Variants in KCNQ1 observed in about 807,000 individuals in gnomAD.
KCNQ1 encodes potassium voltage-gated channel subfamily KQT member 1.
A neutral mutation model predicts 72.4 loss-of-function variants in KCNQ1; 49 were observed. The observed-to-expected ratio is 0.68, with a 90% confidence interval of 0.54 to 0.86. The LOEUF is 0.86. KCNQ1 is among the 40% of genes least tolerant of loss of function. The pLI is 0.00. For synonymous variants in KCNQ1, 450 were observed against 412.6 expected (o/e 1.09, Z -1.10); for missense variants, 790 against 945.1 (o/e 0.84, Z 2.15).
At position 2,790,652 on chromosome 11, in the gene KCNQ1, C is replaced by T. The variant is rs3852524; in HGVS notation, c.1794+12615C>T. Among the ~76,000 whole-genome samples, 3 of 152,358 alleles carry T rather than the reference C, an allele frequency of 2.0e-5. No individual in the cohort carries two copies. The East Asian group carries it at 5.8e-4, about 29-fold the overall frequency. On this transcript the variant is annotated intron_variant, in intron 15 of 15. Coordinates refer to ENST00000155840, the MANE Select transcript of KCNQ1 (RefSeq NM_000218.3). ...GATGGCTGTGAGACTCGGCGAGTCA[C>T]GTGGGCTCTCAGCGCCTCAGCCTCC...
In KCNQ1 at chr11:2,748,699, G is replaced by A. The variant is rs1392706028; in HGVS notation, c.1515-20145G>A. The stretch of plus-strand genomic sequence containing the variant: ...GCTGGATCACAGAGCTTCGGGTCCA[G>A]CCAGCTGCTGCTGCCCCTCCCTCTG... On this transcript the variant is annotated intron_variant, in intron 11 of 15. Transcript: ENST00000155840. This position sits in a 1 kb window ranked among gnomAD's most constrained non-coding sequence, Gnocchi z 6.2. 6.9e-6 allele frequency among the ~76,000 whole-genome samples: 1 copy of A among 144,202 alleles called. No individual in the cohort carries two copies. Among genetic ancestry groups the A allele is most frequent in the Non-Finnish European group, 1.5e-5 (1 of 64,552 alleles). 94.6% of individuals were successfully genotyped at this position (144,202 alleles called of 152,430 possible). A position where few individuals can be genotyped will look rare whatever the true frequency, so the allele number is the denominator to read the frequency against.
intron 11 of KCNQ1, chr11:2,688,765 C>T (rs1377675632): frequency 1.0e-5 from 4 of 398,774 alleles, no homozygotes; most frequent in Non-Finnish European, 1.8e-5. Flanking sequence ...GCAGTTTCCA[C>T]CTATACCACA....
chr11:2,824,317 G>A lies in KCNQ1; in HGVS notation c.1795-23450G>A, dbSNP rs761550740. On this transcript the variant is annotated intron_variant, in intron 15 of 15. Transcript: ENST00000155840. The surrounding 1 kb of genome is among the most constrained non-coding windows in gnomAD (Gnocchi z 5.9). The stretch of plus-strand genomic sequence containing the variant: ...CCAGGGGTGGAAAGAAGACAGATAC[G>A]AGAGGGGATTTGGAGACACAATCCC... Among the ~76,000 whole-genome samples, 1 of 152,136 alleles carries A rather than the reference G, an allele frequency of 6.6e-6. No individual in the cohort carries two copies. Among genetic ancestry groups the A allele is most frequent in the East Asian group, 1.9e-4 (1 of 5,178 alleles).
rs199705885 is a variant in KCNQ1 at position 2,544,248 on chromosome 11, G to GTA, written c.477+16240_477+16241dup. Reference sequence around the variant, plus strand: ...CTCATATATATATATGTGTGTGTGTGTATATATATATGTGTGTGTGTGTAT... The same window carrying GTA: ...CTCATATATATATATGTGTGTGTGTGTATATATATATATGTGTGTGTGTGTAT... On this transcript the variant is annotated intron_variant, in intron 2 of 15. Transcript: ENST00000155840. This position sits in a 1 kb window ranked among gnomAD's most constrained non-coding sequence, Gnocchi z 4.4. Among the ~76,000 whole-genome samples the GTA allele has an allele frequency of 2.8e-5, 4 of 141,900 alleles. No homozygotes were observed. The highest frequency in any genetic ancestry group is 3.8e-3 in the Middle Eastern group (1 of 266). 93.1% of individuals were successfully genotyped at this position (141,900 alleles called of 152,430 possible).
At chr11:2,672,049 C>T (rs1160771920) in intron 11 of KCNQ1, 2 of 398,572 alleles carry the variant, frequency 5.0e-6, no homozygotes, top group African/African-American at 4.1e-5. Context: ...TGCACTCAAG[C>T]CCAGTATCCT....
chr11:2,831,680 C>G (rs1162754798), intron 15 of KCNQ1, among the ~76,000 whole-genome samples: 1 of 149,768 alleles, frequency 6.7e-6, no homozygotes, highest in East Asian at 2.0e-4. Flanking sequence ...CACTGCTCCC[C>G]TCCTTCCTCC....
At chr11:2,763,981 C>T (rs576992149) in intron 11 of KCNQ1, among the ~76,000 whole-genome samples, 1 of 152,288 alleles carries the variant, frequency 6.6e-6, no homozygotes, top group East Asian at 1.9e-4. Flanking sequence ...ATGTCATTTG[C>T]AAATAACAAA....
intron 11 of KCNQ1, chr11:2,699,263 C>G (rs1057372060): frequency 1.0e-5 from 4 of 398,696 alleles, no homozygotes; most frequent in Admixed American, 4.4e-5. Context: ...TGGGAGCGCA[C>G]TGCCCAGGCC....
At position 2,475,039 on chromosome 11, in the gene KCNQ1, A is replaced by G. The variant is rs1057104920; in HGVS notation, c.386+29555A>G. On this transcript the variant is annotated intron_variant, in intron 1 of 15. Coordinates refer to ENST00000155840, the MANE Select transcript of KCNQ1 (RefSeq NM_000218.3). This position sits in a 1 kb window ranked among gnomAD's most constrained non-coding sequence, Gnocchi z 5.8. ...AACGTAAAATTGACCTTTTTAACCC[A>G]TGTTTCATGGTCTTCGGTTTACTCG... 1.3e-5 allele frequency among the ~76,000 whole-genome samples: 2 copies of G among 152,072 alleles called. No homozygotes were observed. The highest frequency in any genetic ancestry group is 2.9e-5 in the Non-Finnish European group (2 of 68,020).
In KCNQ1 at chr11:2,691,560, A is replaced by G. The variant is rs984888320; in HGVS notation, c.1514+29479A>G. 7.5e-6 allele frequency: 3 copies of G among 398,420 alleles called. No homozygotes were observed. Among genetic ancestry groups the G allele is most frequent in the African/African-American group, 4.1e-5 (2 of 48,570 alleles). 24.7% of individuals were successfully genotyped at this position (398,420 alleles called of 1,614,324 possible). On this transcript the variant is annotated intron_variant, in intron 11 of 15. Transcript: ENST00000155840. This position sits in a 1 kb window ranked among gnomAD's most constrained non-coding sequence, Gnocchi z 6.4. ...GGGATTTCTCTATCCTGAGGTTATG[A>G]AATACCTCAGCAAGGACGAGGCCTC...
intron 15 of KCNQ1, among the ~76,000 whole-genome samples, chr11:2,799,835 T>C (rs163171): frequency 0.69 from 104,195 of 152,062 alleles, 37,024 homozygotes; most frequent in South Asian, 0.85. Context: ...GCAGGCTGCA[T>C]GGGGGGTTCC....
At chr11:2,503,551 G>A (rs1397860171) in intron 1 of KCNQ1, among the ~76,000 whole-genome samples, 4 of 139,540 alleles carry the variant, frequency 2.9e-5, no homozygotes, top group African/African-American at 1.1e-4. Flanking sequence ...GGGTTGGGGG[G>A]AGGGGGGAGG....
rs1425908400 is a variant in KCNQ1, at chr11:2,830,112, TG to T, written c.1795-17652del. 1.3e-5 allele frequency among the ~76,000 whole-genome samples: 2 copies of T among 149,498 alleles called. No homozygotes were observed. Among genetic ancestry groups the T allele is most frequent in the East Asian group, 4.0e-4 (2 of 5,038 alleles). ...GCCAAGGAGCTCTGAGAGGGGAAGG[TG>T]GGTGCATGCCACCCTGGCTGGGAAC... On this transcript the variant is annotated intron_variant, in intron 15 of 15. Coordinates refer to ENST00000155840, the MANE Select transcript of KCNQ1 (RefSeq NM_000218.3). This position sits in a 1 kb window ranked among gnomAD's most constrained non-coding sequence, Gnocchi z 7.7.
rs1187418570 is a variant in KCNQ1 at position 2,710,697 on chromosome 11, A to C, written c.1514+48616A>C. On this transcript the variant is annotated intron_variant, in intron 11 of 15. Transcript: ENST00000155840. This position sits in a 1 kb window ranked among gnomAD's most constrained non-coding sequence, Gnocchi z 4.1. ...TCTAACTTTATTCTTTGTCATGTGG[A>C]TAGACAGTTATCCCAACACCATTTG... 6.6e-6 allele frequency among the ~76,000 whole-genome samples: 1 copy of C among 152,196 alleles called. No homozygotes were observed. Among genetic ancestry groups the C allele is most frequent in the East Asian group, 1.9e-4 (1 of 5,202 alleles).
chr11:2,455,255 G>A (rs190016964), intron 1 of KCNQ1, among the ~76,000 whole-genome samples: 7 of 152,162 alleles, frequency 4.6e-5, no homozygotes, highest in Admixed American at 3.9e-4. Context: ...CTGCCACCAC[G>A]CCCGGCTAAT....
Position 2,669,433 on chromosome 11 carries a change from A to G in KCNQ1, c.1514+7352A>G, listed in dbSNP as rs769799995. ...CCCTTGTTTATTTAGGTTGACTTTC[A>G]TATCTTTTACCTTGCCCTGTAGTTT... On this transcript the variant is annotated intron_variant, in intron 11 of 15. Coordinates refer to ENST00000155840, the MANE Select transcript of KCNQ1 (RefSeq NM_000218.3). This position sits in a 1 kb window ranked among gnomAD's most constrained non-coding sequence, Gnocchi z 5.6. 1.2e-4 allele frequency: 48 copies of G among 398,484 alleles called. No individual in the cohort carries two copies. The highest frequency in any genetic ancestry group is 4.0e-4 in the Admixed American group (9 of 22,714). The allele number at this position is 398,484 out of a possible 1,614,324, so 24.7% of individuals were successfully genotyped here.
At chr11:2,503,275 A>G (rs1847046026) in intron 1 of KCNQ1, among the ~76,000 whole-genome samples, 1 of 152,224 alleles carries the variant, frequency 6.6e-6, no homozygotes, top group South Asian at 2.1e-4. Context: ...TGCCCATCTG[A>G]CAAGGGACTA....
At position 2,691,711 on chromosome 11, in the gene KCNQ1, GAGGCAGCCCAC is replaced by G. The variant is rs1336418860; in HGVS notation, c.1514+29634_1514+29644del. ...GGTCTCTCCCCATCTGTCCAGGGGA[GAGGCAGCCCAC>G]AGGGAGCCACACAGGCAGGGGACAT... On this transcript the variant is annotated intron_variant, in intron 11 of 15. Transcript: ENST00000155840. The surrounding 1 kb of genome is among the most constrained non-coding windows in gnomAD (Gnocchi z 6.4). The G allele has an allele frequency of 2.5e-6, 1 of 398,466 alleles. No homozygotes were observed. The highest frequency in any genetic ancestry group is 4.4e-6 in the Non-Finnish European group (1 of 226,112). 24.7% of individuals were successfully genotyped at this position (398,466 alleles called of 1,614,324 possible).
intron 11 of KCNQ1, among the ~76,000 whole-genome samples, chr11:2,705,037 C>T (rs891041683): frequency 6.6e-6 from 1 of 152,144 alleles, no homozygotes; most frequent in Non-Finnish European, 1.5e-5. Context: ...GAGAGGCACA[C>T]GGCTCAGGCT....
Sources: allele counts gnomAD v4.1 joint callset (sites outside exome capture counted in the v4.1 genomes callset), GRCh38; gene constraint gnomAD v4.1.1; non-coding constraint Gnocchi (gnomAD v3.1); transcripts MANE v1.5; gene names NCBI Gene and HGNC (gene_info 2026-07-23, HGNC 2026-07-21).